The following STK4 variants were observed in gnomAD, a reference collection of about 807,000 sequenced individuals.
STK4 encodes the protein serine/threonine-protein kinase 4.
Under a neutral mutation model 64.9 loss-of-function variants are expected in STK4, and 30 were observed. That is an observed-to-expected ratio of 0.46 (90% confidence interval 0.35 to 0.63). STK4 has a LOEUF of 0.63. Among genes scored for constraint, STK4 ranks in the 20% least tolerant of loss-of-function variants. STK4 has a pLI of 0.01. For synonymous variants in STK4, 177 were observed against 199.0 expected, an observed-to-expected ratio of 0.89 and a Z score of 0.93; for missense variants, 466 against 598.5, an observed-to-expected ratio of 0.78 and a Z score of 2.31.
chr20:45,048,301 AAGTG>A (rs1285433289), intron 10 of STK4, among the ~76,000 whole-genome samples: 1 of 152,216 alleles, frequency 6.6e-6, no homozygotes, highest in Non-Finnish European at 1.5e-5. Flanking sequence ...AATGCTTTTA[AAGTG>A]CTTAGCAGAG....
intron 9 of STK4, among the ~76,000 whole-genome samples, chr20:45,012,276 C>T (rs1464255975): frequency 1.3e-5 from 2 of 152,048 alleles, no homozygotes; most frequent in South Asian, 2.1e-4. Flanking sequence ...CCTCGTGATC[C>T]GTCCACCTCA....
chr20:45,014,556 T>C (rs1341402906), intron 9 of STK4, among the ~76,000 whole-genome samples: 1 of 152,106 alleles, frequency 6.6e-6, no homozygotes, highest in East Asian at 1.9e-4. Flanking sequence ...TTTTTTTTAG[T>C]GGCAAAGATA....
intron 2 of STK4, chr20:44,975,492 T>C (rs1158126945): frequency 2.2e-6 from 1 of 459,730 alleles, no homozygotes; most frequent in East Asian, 1.5e-4. Context: ...GAGTGAAAAT[T>C]ATTTTAAATA....
intron 5 of STK4, among the ~76,000 whole-genome samples, chr20:44,989,828 G>GA (rs1282253323): frequency 1.3e-5 from 2 of 152,132 alleles, no homozygotes; most frequent in African/African-American, 2.4e-5. Context: ...AACATTTGTT[G>GA]AAAAGACTGT....
chr20:45,028,242 C>A (rs1358366418), intron 10 of STK4, among the ~76,000 whole-genome samples: 1 of 151,870 alleles, frequency 6.6e-6, no homozygotes, highest in Non-Finnish European at 1.5e-5. Context: ...TATGAACATT[C>A]CCCTTTCTCT....
At chr20:45,002,349 G>A (rs1568710182) in intron 9 of STK4, among the ~76,000 whole-genome samples, 1 of 152,150 alleles carries the variant, frequency 6.6e-6, no homozygotes, top group Non-Finnish European at 1.5e-5. Flanking sequence ...AATTCAATGA[G>A]TTGTTTATTC....
At chr20:44,967,216 T>C in intron 1 of STK4, 1 of 985,388 alleles carries the variant, frequency 1.0e-6, no homozygotes, top group Non-Finnish European at 1.2e-6. Flanking sequence ...TGATGTTCAG[T>C]GTCTTCCTAA....
rs930951910 is a variant in STK4, at chr20:45,076,114, A to C, written c.*938A>C. The stretch of plus-strand genomic sequence containing the variant: ...TGGCATGTTGCTCCACATTCCTTAC[A>C]CACAGGGGTAGAGGGGATTGCTTTT... On this transcript the variant is annotated 3_prime_UTR_variant, in exon 11 of 11. Transcript: ENST00000372806. The surrounding 1 kb of genome is among the most constrained non-coding windows in gnomAD (Gnocchi z 4.0). 2.6e-5 allele frequency: 4 copies of C among 152,628 alleles called. No individual in the cohort carries two copies. The highest frequency in any genetic ancestry group is 4.4e-5 in the Non-Finnish European group (3 of 68,058). 9.5% of individuals were successfully genotyped at this position (152,628 alleles called of 1,614,324 possible). A position where few individuals can be genotyped will look rare whatever the true frequency, so the allele number is the denominator to read the frequency against.
At chr20:45,053,041 T>C (rs1272223596) in intron 10 of STK4, 3 of 1,451,216 alleles carry the variant, frequency 2.1e-6, no homozygotes, top group Non-Finnish European at 2.9e-6. Context: ...ACTGAATTTA[T>C]TTGTGCTTTG....
At chr20:44,999,421 T>A (rs2067795499) in intron 7 of STK4, among the ~76,000 whole-genome samples, 1 of 152,214 alleles carries the variant, frequency 6.6e-6, no homozygotes, top group Non-Finnish European at 1.5e-5. Flanking sequence ...TACTTGGAAC[T>A]TGTATCCTTT....
Position 44,978,546 on chromosome 20 carries a change from A to G in STK4, c.220A>G (p.Ile74Val). 6.2e-7 allele frequency: 1 copy of G among 1,614,098 alleles called. No individual in the cohort carries two copies. Among genetic ancestry groups the G allele is most frequent in the Non-Finnish European group, 8.5e-7 (1 of 1,179,996 alleles). ...AGACCTCCAGGAGATAATCAAAGAA[A>G]TCTCTATAATGCAGCAATGTGACAG... ...ESDLQEIIKE[I>V]SIMQQCDSPH... The change falls in exon 3 of 11, where the codon ATC (isoleucine) becomes GTC (valine). Residue 74 changes from isoleucine (I) to valine (V), a missense_variant. Around this residue, in one of 2 missense-constraint regions of STK4, gnomAD observed 190 missense variants for 289.7 expected, o/e 0.66. Transcript: ENST00000372806.
intron 10 of STK4, chr20:45,053,122 T>C (rs767621811): frequency 1.2e-6 from 2 of 1,612,838 alleles, no homozygotes; most frequent in South Asian, 1.1e-5. Flanking sequence ...AAAAGACATA[T>C]GTATCCAAAA....
In STK4 at chr20:45,001,227, G is replaced by GTCCGAGTAGCCAGC. The variant is rs2067833344; in HGVS notation, c.1022_1035dup (p.Thr346SerfsTer3). On this transcript the variant is annotated frameshift_variant, in exon 9 of 11. Transcript: ENST00000372806. LOFTEE classifies it high-confidence loss of function. ...AGCAGTGGGTGATGAGATGGGCACTGTCCGAGTAGCCAGCACCATGACTGA... is the reference window on the plus strand; with the variant it reads ...AGCAGTGGGTGATGAGATGGGCACTGTCCGAGTAGCCAGCTCCGAGTAGCCAGCACCATGACTGA... The GTCCGAGTAGCCAGC allele has an allele frequency of 6.2e-7, 1 of 1,614,056 alleles. No individual in the cohort carries two copies. The highest frequency in any genetic ancestry group is 1.7e-5 in the Admixed American group (1 of 60,004).
Position 45,001,249 on chromosome 20 carries a change from C to G in STK4, c.1043C>G (p.Thr348Ser). The G allele has an allele frequency of 1.2e-6, 2 of 1,614,144 alleles. No homozygotes were observed. The highest frequency in any genetic ancestry group is 2.2e-5 in the East Asian group (1 of 44,884). ...ACTGTCCGAGTAGCCAGCACCATGA[C>G]TGATGGAGCCAATACTATGATTGAG... ...MGTVRVASTM[T>S]DGANTMIEHD... The change falls in exon 9 of 11, where the codon ACT (threonine) becomes AGT (serine). Residue 348 changes from threonine to serine, a missense_variant. Thr to Ser is a moderately conservative substitution (Grantham distance 58, BLOSUM62 1). Around this residue, in one of 2 missense-constraint regions of STK4, gnomAD observed 276 missense variants for 308.9 expected, o/e 0.89. Coordinates refer to ENST00000372806, the MANE Select transcript of STK4 (RefSeq NM_006282.5).
rs1400178095 is a variant in STK4, at chr20:45,012,795, TCTTC to T, written c.1147+11443_1147+11446del. On this transcript the variant is annotated intron_variant, in intron 9 of 10. Coordinates refer to ENST00000372806, the MANE Select transcript of STK4 (RefSeq NM_006282.5). ...TTATATATAATCTTCTTCTTCTTCT[TCTTC>T]TTTTTTTTTTTTTTGAGGCACTGTC... is the stretch of plus-strand genomic sequence containing the variant. 1.2e-4 allele frequency among the ~76,000 whole-genome samples: 15 copies of T among 122,774 alleles called. 1 individual carries two copies. The highest frequency in any genetic ancestry group is 1.7e-4 in the Non-Finnish European group (11 of 64,796). 80.5% of individuals were successfully genotyped at this position (122,774 alleles called of 152,430 possible). A position where few individuals can be genotyped will look rare whatever the true frequency, so the allele number is the denominator to read the frequency against.
chr20:45,022,113 T>C (rs1284271416), intron 9 of STK4, among the ~76,000 whole-genome samples: 2 of 152,174 alleles, frequency 1.3e-5, no homozygotes, highest in Non-Finnish European at 2.9e-5. Flanking sequence ...GAGGAATTTT[T>C]CCGTTCTTCT....
At chr20:45,063,018 T>TTTTTTTTG (rs1979225525) in intron 10 of STK4, among the ~76,000 whole-genome samples, 1 of 118,952 alleles carries the variant, frequency 8.4e-6, no homozygotes, top group African/African-American at 3.7e-5. Flanking sequence ...TTTTTTTTTT[T>TTTTTTTTG]TGGACACAGG....
At position 44,966,534 on chromosome 20, in the gene STK4, G is replaced by T; in HGVS notation, c.-35G>T. On this transcript the variant is annotated 5_prime_UTR_variant, in exon 1 of 11. Transcript: ENST00000372806. ...CTCAGGAGGTCCGCGGGAGGATGGA[G>T]CAGTGAGCGGGTCTGGGCGGCTGCT... is the stretch of plus-strand genomic sequence containing the variant. 1.6e-6 allele frequency: 2 copies of T among 1,259,454 alleles called. No homozygotes were observed. The highest frequency in any genetic ancestry group is 2.0e-6 in the Non-Finnish European group (2 of 992,612). The allele number at this position is 1,259,454 out of a possible 1,614,324, so 78.0% of individuals were successfully genotyped here. A position where few individuals can be genotyped will look rare whatever the true frequency, so the allele number is the denominator to read the frequency against.
intron 9 of STK4, among the ~76,000 whole-genome samples, chr20:45,013,894 T>C (rs893917929): frequency 6.6e-6 from 1 of 152,292 alleles, no homozygotes; most frequent in Non-Finnish European, 1.5e-5. Context: ...CTCACATATG[T>C]CATCCAAAAT....
Sources: gnomAD v4.1 joint callset for allele counts (sites outside exome capture counted in the v4.1 genomes callset) on GRCh38, gnomAD v4.1.1 for gene constraint, gnomAD v4.1.1 regional missense constraint, Gnocchi (gnomAD v3.1) non-coding constraint, MANE v1.5 for transcripts, NCBI Gene and HGNC (gene_info 2026-07-23, HGNC 2026-07-21) for gene names.